Variants in RCBTB2 observed in about 807,000 individuals in gnomAD.
The protein encoded by RCBTB2 is RCC1 and BTB domain-containing protein 2.
Under a neutral mutation model 65.4 loss-of-function variants are expected in RCBTB2, and 55 were observed. That is an observed-to-expected ratio of 0.84 (90% CI 0.68 to 1.05). The LOEUF (loss-of-function observed/expected upper bound fraction) is 1.05, where lower values mean the gene tolerates loss of function less well. Ranked by LOEUF, RCBTB2 falls within the 50% of genes least tolerant of loss-of-function variation. RCBTB2 has a pLI of 0.00. For missense variants in RCBTB2, 599 were observed against 680.1 expected, an observed-to-expected ratio of 0.88 and a Z score of 1.33; for synonymous variants, 220 against 255.2, an observed-to-expected ratio of 0.86 and a Z score of 1.31.
chr13:48,493,307 A>ACT (rs1483026433), intron 14 of RCBTB2, among the ~76,000 whole-genome samples: 4 of 63,100 alleles, frequency 6.3e-5, no homozygotes, highest in Non-Finnish European at 1.3e-4. Context: ...ACACACACAC[A>ACT]CACACACACT....
chr13:48,526,527 T>C (rs1175535597), intron 1 of RCBTB2, among the ~76,000 whole-genome samples: 2 of 151,966 alleles, frequency 1.3e-5, no homozygotes, highest in East Asian at 1.9e-4. Context: ...AAAGATCTTA[T>C]CTCAAAAAAT....
At chr13:48,499,503 A>C in intron 13 of RCBTB2, 118 bp downstream of exon 13, 1 of 1,060,628 alleles carries the variant, frequency 9.4e-7, no homozygotes, top group African/African-American at 1.6e-5. Flanking sequence ...GATTCAACAC[A>C]CACAAAAAGA....
At chr13:48,503,084 C>G (rs141150281) in intron 10 of RCBTB2, among the ~76,000 whole-genome samples, 170 bp from the exon 11 acceptor site, 103 of 152,288 alleles carry the variant, frequency 6.8e-4, no homozygotes, top group Non-Finnish European at 1.1e-3. Flanking sequence ...CACCTCATCT[C>G]CTAAATTATC....
rs1412763972 is a variant in RCBTB2, at chr13:48,512,043, G to A, written c.648C>T (p.Cys216=). 6.2e-7 allele frequency: 1 copy of A among 1,614,158 alleles called. No individual in the cohort carries two copies. The highest frequency in any genetic ancestry group is 8.5e-7 in the Non-Finnish European group (1 of 1,179,984). Residue 216 remains cysteine (C), a synonymous_variant, in exon 8 of 15, where the codon TGC becomes TGT. Coordinates refer to ENST00000344532, the MANE Select transcript of RCBTB2 (RefSeq NM_001268.4). ...VVVTIACGQM[C]CMAVVDTGEV... ...CCCCCGTGTCTACTACTGCCATGCA[G>A]CACATCTGCCCACATGCTATGGTCA...
At chr13:48,505,967 A>G (rs1341690537) in intron 10 of RCBTB2, among the ~76,000 whole-genome samples, 2 of 152,226 alleles carry the variant, frequency 1.3e-5, no homozygotes, top group Non-Finnish European at 2.9e-5. Flanking sequence ...AGAAGTCCAG[A>G]TCTGTGACTT....
At chr13:48,497,849 C>T (rs1009086798) in intron 13 of RCBTB2, among the ~76,000 whole-genome samples, 1 of 152,142 alleles carries the variant, frequency 6.6e-6, no homozygotes, top group Non-Finnish European at 1.5e-5. Context: ...TTGTGAATGG[C>T]TTCATTGTTT....
chr13:48,530,795 C>T (rs187698666), intron 1 of RCBTB2, among the ~76,000 whole-genome samples: 1 of 152,304 alleles, frequency 6.6e-6, no homozygotes, highest in East Asian at 1.9e-4. Flanking sequence ...CTGTAAACTC[C>T]TGAATAATTT....
chr13:48,502,646 T>C (rs1323540055), intron 11 of RCBTB2, 78 bp downstream of exon 11: 1 of 1,387,312 alleles, frequency 7.2e-7, no homozygotes, highest in Non-Finnish European at 9.8e-7. Flanking sequence ...CCTAACAAAA[T>C]CCTCATTATC....
In RCBTB2 at chr13:48,515,290, T is replaced by A; in HGVS notation, c.264A>T (p.Glu88Asp). 1 of 1,613,960 alleles carries A rather than the reference T, an allele frequency of 6.2e-7. No homozygotes were observed. Among genetic ancestry groups the A allele is most frequent in the Non-Finnish European group, 8.5e-7 (1 of 1,179,964 alleles). ...LGLGDVQSTIEPRRLDSLNGK... is the reference protein window; with the variant it reads ...LGLGDVQSTIDPRRLDSLNGK... The stretch of plus-strand genomic sequence containing the variant: ...CATTTAAAGAATCCAGTCTCCGAGG[T>A]TCAATGGTGCTCTGGACGTCACCTA... The change falls in exon 6 of 15, where the codon GAA becomes GAT. Residue 88 changes from glutamate to aspartate, a missense_variant. Physicochemically the swap from Glu to Asp is conservative, Grantham distance 45. Transcript: ENST00000344532.
At chr13:48,504,430 C>T in intron 10 of RCBTB2, 1 of 585,998 alleles carries the variant, frequency 1.7e-6, no homozygotes, top group Non-Finnish European at 2.2e-6. Flanking sequence ...CCTTCAATGA[C>T]TTCATACATG....
chr13:48,514,228 C>A (rs542531078), intron 6 of RCBTB2, among the ~76,000 whole-genome samples: 1 of 152,234 alleles, frequency 6.6e-6, no homozygotes, highest in Admixed American at 6.5e-5. Flanking sequence ...CCAAGAGAGT[C>A]AATCTAATAA....
At chr13:48,533,239 G>C, upstream of RCBTB2, 3 of 315,900 alleles carry the variant, frequency 9.5e-6, no homozygotes, top group Non-Finnish European at 1.9e-5. Context: ...CTCCTCCCTA[G>C]GCTGCCCACC....
At chr13:48,513,640 T>C (rs1266449336) in intron 6 of RCBTB2, among the ~76,000 whole-genome samples, 1 of 152,248 alleles carries the variant, frequency 6.6e-6, no homozygotes, top group Non-Finnish European at 1.5e-5. Flanking sequence ...AATTTTCATA[T>C]TGATAATCAT....
intron 1 of RCBTB2, among the ~76,000 whole-genome samples, chr13:48,529,376 G>A (rs774948613): frequency 1.5e-4 from 23 of 152,078 alleles, no homozygotes; most frequent in Non-Finnish European, 2.6e-4. Context: ...CTTGAGATTG[G>A]TTTTGTTCAG....
chr13:48,514,764 C>T (rs1950991381), intron 6 of RCBTB2, among the ~76,000 whole-genome samples: 1 of 152,178 alleles, frequency 6.6e-6, no homozygotes, highest in African/African-American at 2.4e-5. Context: ...CCTTGCTTCA[C>T]TCAGAGCAAG....
intron 13 of RCBTB2, among the ~76,000 whole-genome samples, chr13:48,498,760 T>A (rs1950090570): frequency 6.6e-6 from 1 of 151,932 alleles, no homozygotes; most frequent in Admixed American, 6.6e-5. Flanking sequence ...CTTGGGTATC[T>A]AATGGGAAGC....
intron 4 of RCBTB2, among the ~76,000 whole-genome samples, chr13:48,518,472 A>AATATATATATAT (rs779789935): frequency 2.0e-4 from 23 of 116,584 alleles, no homozygotes; most frequent in African/African-American, 7.9e-4. Context: ...AAAAAAAAAA[A>AATATATATATAT]ATATATATAT....
At chr13:48,531,501 A>T (rs1480503221) in intron 1 of RCBTB2, among the ~76,000 whole-genome samples, 4 of 152,222 alleles carry the variant, frequency 2.6e-5, no homozygotes, top group Non-Finnish European at 5.9e-5. Flanking sequence ...TTCAAGACTT[A>T]AATAAAGTTC....
rs1245233280 is a variant in RCBTB2 at position 48,489,042 on chromosome 13, T to C, written c.*1069A>G. ...GAATTCTAATTCCAAAAGGGTTTCC[T>C]TTACATTACATGACATTGTGAGATA... is the stretch of plus-strand genomic sequence containing the variant. On this transcript the variant is annotated 3_prime_UTR_variant, in exon 15 of 15. Transcript: ENST00000344532. 1 of 152,236 alleles carries C rather than the reference T, an allele frequency of 6.6e-6. No homozygotes were observed. The highest frequency in any genetic ancestry group is 1.5e-5 in the Non-Finnish European group (1 of 68,038). The allele number at this position is 152,236 out of a possible 1,614,324, so 9.4% of individuals were successfully genotyped here.
Sources: gnomAD v4.1 joint callset for allele counts (sites outside exome capture counted in the v4.1 genomes callset) on GRCh38, gnomAD v4.1.1 for gene constraint, MANE v1.5 for transcripts, NCBI Gene and HGNC (gene_info 2026-07-23, HGNC 2026-07-21) for gene names.